The following RHOG variants were observed in gnomAD, a reference collection of about 807,000 sequenced individuals.
The protein encoded by RHOG is ras homolog family member G.
A neutral mutation model predicts 12.3 loss-of-function variants in RHOG; 1 was observed. That is an observed-to-expected ratio of 0.08 (90% confidence interval 0.03 to 0.39). RHOG has a LOEUF of 0.39. Ranked by LOEUF, RHOG falls within the 10% of genes least tolerant of loss-of-function variation. RHOG has a pLI of 0.99. For missense variants in RHOG, 114 were observed against 266.2 expected (o/e 0.43, Z 3.98); for synonymous variants, 129 against 116.0 (o/e 1.11, Z -0.72).
At chr11:3,836,357 C>CAAAAAAA (rs61427960) in intron 1 of RHOG, among the ~76,000 whole-genome samples, 5 of 119,592 alleles carry the variant, frequency 4.2e-5, no homozygotes, top group African/African-American at 1.5e-4. Flanking sequence ...ACTCCATCTC[C>CAAAAAAA]AAAAAAAAAA....
In RHOG at chr11:3,836,151, G is replaced by A. The variant is rs188720092; in HGVS notation, c.-69+4743C>T. 5.9e-3 allele frequency among the ~76,000 whole-genome samples: 895 copies of A among 151,504 alleles called. 11 individuals are homozygous for A. Among genetic ancestry groups the A allele is most frequent in the African/African-American group, 0.021 (870 of 41,318 alleles). ...GCAGACCACTTGAGATCAGGAGTTC[G>A]AAACCAGCCTGGCCAACATGGTGAA... On this transcript the variant is annotated intron_variant, in intron 1 of 1. Coordinates refer to ENST00000351018, the MANE Select transcript of RHOG (RefSeq NM_001665.4).
chr11:3,838,812 T>C (rs924114923), intron 1 of RHOG, among the ~76,000 whole-genome samples: 3 of 152,156 alleles, frequency 2.0e-5, no homozygotes, highest in Admixed American at 6.5e-5. Context: ...AGCTTGAGGA[T>C]GGAGCTCTAG....
At chr11:3,839,485 AACACACACACACACACAC>A (rs71041402) in intron 1 of RHOG, among the ~76,000 whole-genome samples, 4 of 141,888 alleles carry the variant, frequency 2.8e-5, no homozygotes, top group East Asian at 2.1e-4. Flanking sequence ...CGCGCGCGCG[AACACACACACACACACAC>A]ACACACACAC....
intron 1 of RHOG, among the ~76,000 whole-genome samples, chr11:3,838,225 C>G (rs1450958958): frequency 2.0e-5 from 3 of 152,250 alleles, no homozygotes; most frequent in Non-Finnish European, 4.4e-5. Flanking sequence ...TAGCCACCAC[C>G]TCCCTTTACC....
rs1232001655 is a variant in RHOG, at chr11:3,828,112, C to G, written c.27G>C (p.Val9=). The change falls in exon 2 of 2, where the codon GTG becomes GTC. Residue 9 remains valine, a synonymous_variant. Transcript: ENST00000351018. The part of the protein sequence containing the change: MQSIKCVV[V]GDGAVGKTCL... ...ACGTCTTGCCCACAGCCCCATCACC[C>G]ACCACCACGCACTTGATGCTCTGCA... is the stretch of plus-strand genomic sequence containing the variant. 4 of 1,613,518 alleles carry G rather than the reference C, an allele frequency of 2.5e-6. No individual in the cohort carries two copies. The African/African-American group carries it at 5.3e-5, about 22-fold the overall frequency.
intron 1 of RHOG, among the ~76,000 whole-genome samples, chr11:3,840,026 T>A (rs1590483346): frequency 6.6e-6 from 1 of 151,864 alleles, no homozygotes; most frequent in East Asian, 1.9e-4. Flanking sequence ...CTAAAGAAGG[T>A]GTGGAGGGAG....
At chr11:3,830,144 T>C (rs1328416189) in intron 1 of RHOG, among the ~76,000 whole-genome samples, 1 of 152,220 alleles carries the variant, frequency 6.6e-6, no homozygotes, top group Admixed American at 6.5e-5. Context: ...CCTGAGATCC[T>C]GGCATGTGCC....
chr11:3,833,490 G>C (rs1554947685), intron 1 of RHOG, among the ~76,000 whole-genome samples: 1 of 152,132 alleles, frequency 6.6e-6, no homozygotes, highest in Non-Finnish European at 1.5e-5. Context: ...GATCATGCCT[G>C]GTCCCTCATA....
At chr11:3,828,734 C>T (rs1590473956) in intron 1 of RHOG, among the ~76,000 whole-genome samples, 1 of 150,536 alleles carries the variant, frequency 6.6e-6, no homozygotes, top group East Asian at 2.0e-4. Flanking sequence ...CGCCATTCTG[C>T]CTCAGCCTCT....
intron 1 of RHOG, among the ~76,000 whole-genome samples, chr11:3,837,436 TAC>T (rs147590916): frequency 0.11 from 16,113 of 152,146 alleles, 1,074 homozygotes; most frequent in Middle Eastern, 0.18. Context: ...GATATGTATG[TAC>T]AGACTACTCG....
At chr11:3,830,297 T>G (rs1356598508) in intron 1 of RHOG, among the ~76,000 whole-genome samples, 4 of 152,234 alleles carry the variant, frequency 2.6e-5, no homozygotes. Context: ...ATTTGTTCCC[T>G]GAGCCTCAAT....
At position 3,827,708 on chromosome 11, in the gene RHOG, G is replaced by A; in HGVS notation, c.431C>T (p.Ala144Val). 1.9e-6 allele frequency: 3 copies of A among 1,614,076 alleles called. No homozygotes were observed. Among genetic ancestry groups the A allele is most frequent in the Non-Finnish European group, 2.5e-6 (3 of 1,180,030 alleles). ...QAPITPQQGQ[A>V]LAKQIHAVRY... ...CACAGCGTGGATCTGCTTGGCCAGT[G>A]CCTGGCCCTGCTGCGGTGTGATGGG... is the stretch of plus-strand genomic sequence containing the variant. Residue 144 changes from alanine to valine, a missense_variant, in exon 2 of 2, where the codon GCA (alanine) becomes GTA (valine). By Grantham distance (64) the Ala-to-Val change is moderately conservative. Around this residue, in one of 2 missense-constraint regions of RHOG, gnomAD observed 61 missense variants for 101.4 expected, o/e 0.60. Coordinates refer to ENST00000351018, the MANE Select transcript of RHOG (RefSeq NM_001665.4). The surrounding 1 kb of genome is among the most constrained non-coding windows in gnomAD (Gnocchi z 7.3).
chr11:3,828,827 G>A (rs7928600), intron 1 of RHOG, among the ~76,000 whole-genome samples: 150,409 of 151,456 alleles, frequency 0.99, 74,684 homozygotes, highest in South Asian at 1. Context: ...TCACCGTGTT[G>A]GCCAGGATGG....
chr11:3,827,839 C>T lies in RHOG; in HGVS notation c.300G>A (p.Glu100=). 1 of 1,614,162 alleles carries T rather than the reference C, an allele frequency of 6.2e-7. No individual in the cohort carries two copies. The highest frequency in any genetic ancestry group is 8.5e-7 in the Non-Finnish European group (1 of 1,180,012). ...YENVRHKWHP[E]VCHHCPDVPI... is the part of the protein sequence containing the mutation. ...GCACATCAGGGCAGTGGTGGCACACCTCTGGATGCCACTTGTGCCGCACGT... is the reference window on the plus strand; with the variant it reads ...GCACATCAGGGCAGTGGTGGCACACTTCTGGATGCCACTTGTGCCGCACGT... Residue 100 remains glutamate (E), a synonymous_variant, in exon 2 of 2, where the codon GAG becomes GAA. Transcript: ENST00000351018. The surrounding 1 kb of genome is among the most constrained non-coding windows in gnomAD (Gnocchi z 7.3).
chr11:3,839,484 GAACACACACACA>G (rs1381758632), intron 1 of RHOG, among the ~76,000 whole-genome samples: 29 of 97,548 alleles, frequency 3.0e-4, no homozygotes, highest in African/African-American at 1.2e-3. Context: ...ACGCGCGCGC[GAACACACACACA>G]CACACACACA....
At chr11:3,828,760 A>G (rs562390888) in intron 1 of RHOG, among the ~76,000 whole-genome samples, 6 of 151,136 alleles carry the variant, frequency 4.0e-5, no homozygotes, top group East Asian at 3.9e-4. Context: ...AGCTGGGACT[A>G]CAGGCACCCA....
intron 1 of RHOG, among the ~76,000 whole-genome samples, chr11:3,830,943 G>A (rs903727181): frequency 6.6e-6 from 1 of 151,880 alleles, no homozygotes; most frequent in Non-Finnish European, 1.5e-5. Context: ...GGCCATGGGG[G>A]ACTCTTGGTG....
chr11:3,830,083 A>C (rs543188628), intron 1 of RHOG, among the ~76,000 whole-genome samples: 48 of 152,290 alleles, frequency 3.2e-4, no homozygotes, highest in African/African-American at 1.2e-3. Flanking sequence ...GGAAGGATGA[A>C]GTCAAGAGTA....
chr11:3,830,520 T>C (rs11029983), intron 1 of RHOG: 10,175 of 151,968 alleles, frequency 0.067, 449 homozygotes, highest in Middle Eastern at 0.15. Context: ...CAGGGTGTGG[T>C]GGTACACACC....
Sources: allele counts gnomAD v4.1 joint callset (sites outside exome capture counted in the v4.1 genomes callset), GRCh38; gene constraint gnomAD v4.1.1; regional missense constraint gnomAD v4.1.1; non-coding constraint Gnocchi (gnomAD v3.1); transcripts MANE v1.5; gene names NCBI Gene and HGNC (gene_info 2026-07-23, HGNC 2026-07-21).